NUP62CL: variants seen among roughly 807,000 people sequenced by gnomAD.
NUP62CL encodes nucleoporin 62 C-terminal like.
NUP62CL carries 13 observed loss-of-function variants against 15.3 expected under a neutral mutation model. The ratio of observed to expected loss-of-function variants is 0.85; its 90% confidence interval spans 0.55 to 1.35. The LOEUF (loss-of-function observed/expected upper bound fraction) is 1.35. Ranked by LOEUF, NUP62CL falls within the 40% of genes most tolerant of loss-of-function variation. The pLI is 0.00. For synonymous variants in NUP62CL, 54 were observed against 49.2 expected (o/e 1.10, Z -0.41); for missense variants, 123 against 130.6 (o/e 0.94, Z 0.28).
chrX:107,203,326 C>T (rs1011008759), intron 1 of NUP62CL, among the ~76,000 whole-genome samples: 2 of 108,015 alleles, frequency 1.9e-5, no homozygotes, highest in African/African-American at 6.8e-5. Flanking sequence ...TCACTGCAGC[C>T]CCAACCTCCC....
chrX:107,194,811 CTTTTTTTTTTTT>C (rs1174813324), intron 1 of NUP62CL, among the ~76,000 whole-genome samples: 6 of 46,303 alleles, frequency 1.3e-4, no homozygotes, highest in Admixed American at 3.5e-4. Context: ...TTCTTTCTCT[CTTTTTTTTTTTT>C]TTTTTTTTTT....
intron 8 of NUP62CL, among the ~76,000 whole-genome samples, chrX:107,133,154 T>A (rs1925559338): frequency 9.0e-6 from 1 of 111,060 alleles, no homozygotes; most frequent in Admixed American, 9.5e-5. Flanking sequence ...TGGCTCATGA[T>A]CCCCTTTTCT....
At chrX:107,198,498 G>A (rs1927408129) in intron 1 of NUP62CL, among the ~76,000 whole-genome samples, 1 of 111,891 alleles carries the variant, frequency 8.9e-6, no homozygotes, top group South Asian at 3.8e-4. Flanking sequence ...CAGCCTTTAT[G>A]AGCTGTAACA....
At chrX:107,139,113 G>GA (rs1156356041) in intron 8 of NUP62CL, among the ~76,000 whole-genome samples, 3 of 111,159 alleles carry the variant, frequency 2.7e-5, no homozygotes, top group African/African-American at 9.8e-5. Flanking sequence ...TTTAGAAATA[G>GA]AAAATAGATT....
intron 4 of NUP62CL, among the ~76,000 whole-genome samples, chrX:107,158,543 G>A (rs1410383257): frequency 1.3e-4 from 10 of 76,678 alleles, no homozygotes; most frequent in South Asian, 6.5e-4. Flanking sequence ...GGTACATAAC[G>A]AAATGAAGGC....
At chrX:107,128,402 C>T (rs1175894799) in intron 8 of NUP62CL, among the ~76,000 whole-genome samples, 1 of 111,916 alleles carries the variant, frequency 8.9e-6, no homozygotes, top group Non-Finnish European at 1.9e-5. Flanking sequence ...AATACAGTAT[C>T]CTGTGTAAAT....
At chrX:107,150,998 CAA>C (rs773099200) in intron 7 of NUP62CL, 8 of 337,658 alleles carry the variant, frequency 2.4e-5, no homozygotes, top group Non-Finnish European at 4.7e-5. Context: ...AAGGGATTAA[CAA>C]AAAGTGTTTT....
At chrX:107,171,879 T>TA (rs1458506073) in intron 3 of NUP62CL, among the ~76,000 whole-genome samples, 1 of 109,970 alleles carries the variant, frequency 9.1e-6, no homozygotes, top group Non-Finnish European at 1.9e-5. Flanking sequence ...TCAGGGTTTT[T>TA]TTTTGGTCAT....
chrX:107,189,890 A>AAAGAAAGAAAGAAAGG (rs1158251235), intron 2 of NUP62CL, among the ~76,000 whole-genome samples: 2 of 84,263 alleles, frequency 2.4e-5, no homozygotes, highest in African/African-American at 9.7e-5. Context: ...AGAAAGAAAG[A>AAAGAAAGAAAGAAAGG]AAGAAAGAAA....
At chrX:107,150,777 G>A (rs1925990536) in intron 7 of NUP62CL, 2 of 319,095 alleles carry the variant, frequency 6.3e-6, no homozygotes, top group South Asian at 2.9e-5. Flanking sequence ...GGGGTTATAG[G>A]CATGAGCCAC....
At chrX:107,156,185 C>T (rs774229708) in intron 4 of NUP62CL, among the ~76,000 whole-genome samples, 141 of 111,812 alleles carry the variant, frequency 1.3e-3, no homozygotes, top group South Asian at 3.1e-3. Flanking sequence ...AACTGCAAGG[C>T]GGCAGCCAGG....
intron 2 of NUP62CL, among the ~76,000 whole-genome samples, chrX:107,185,059 T>C (rs755553597): frequency 1.6e-4 from 18 of 110,394 alleles, no homozygotes; most frequent in African/African-American, 5.9e-4. Context: ...CTGTTGCCAA[T>C]AGACTACCGT....
chrX:107,200,104 T>A (rs1163711851), intron 1 of NUP62CL, among the ~76,000 whole-genome samples: 3 of 111,682 alleles, frequency 2.7e-5, no homozygotes, highest in Non-Finnish European at 5.6e-5. Context: ...AAACAAAATA[T>A]AGGGCTTCTG....
chrX:107,185,422 G>A (rs768497229), intron 2 of NUP62CL, among the ~76,000 whole-genome samples: 1 of 110,887 alleles, frequency 9.0e-6, no homozygotes, highest in Non-Finnish European at 1.9e-5. Flanking sequence ...AATATATGTA[G>A]AGGAAATAGT....
rs1927422449 is a variant in NUP62CL, at chrX:107,198,972, T to G, written c.-91-5900A>C. Among the ~76,000 whole-genome samples, 3 of 112,165 alleles carry G rather than the reference T, an allele frequency of 2.7e-5. No homozygotes were observed. The South Asian group carries it at 1.1e-3, about 42-fold the overall frequency. On this transcript the variant is annotated intron_variant, in intron 1 of 8. Transcript: ENST00000372466. ...TATTCATCTATCTCATGTATCAGCA[T>G]GCAAATTATCTGCTCTGTGTACTAC...
At position 107,125,547 on chromosome X, in the gene NUP62CL, C is replaced by G. The variant is rs191272147; in HGVS notation, c.*43-1215G>C. Among the ~76,000 whole-genome samples the G allele has an allele frequency of 2.8e-3, 307 of 111,568 alleles. 4 individuals are homozygous for G. Among genetic ancestry groups the G allele is most frequent in the Non-Finnish European group, 3.5e-3 (186 of 53,096 alleles). On this transcript the variant is annotated intron_variant, in intron 8 of 8. Transcript: ENST00000372466. ...ATCTTATAAAGACATTCTGCAAGAT[C>G]ATGCTTTAAGGACAGTGATTTCAAT...
At chrX:107,160,645 G>A (rs1926340401) in intron 4 of NUP62CL, among the ~76,000 whole-genome samples, 1 of 110,816 alleles carries the variant, frequency 9.0e-6, no homozygotes, top group African/African-American at 3.3e-5. Flanking sequence ...ATGGATTAAA[G>A]ATTTAAACGT....
chrX:107,130,983 C>G (rs1050527527), intron 8 of NUP62CL, among the ~76,000 whole-genome samples: 4 of 110,597 alleles, frequency 3.6e-5, no homozygotes, highest in Non-Finnish European at 7.6e-5. Context: ...TCCCCTCCAC[C>G]CATTTTGGAA....
At chrX:107,169,820 A>T (rs776759575) in intron 3 of NUP62CL, among the ~76,000 whole-genome samples, 184 of 85,117 alleles carry the variant, frequency 2.2e-3, no homozygotes, top group African/African-American at 5.1e-3. Flanking sequence ...TTTTTTTTTT[A>T]AAAAAATGAG....
Sources: gnomAD v4.1 joint callset for allele counts (sites outside exome capture counted in the v4.1 genomes callset) on GRCh38, gnomAD v4.1.1 for gene constraint, MANE v1.5 for transcripts, NCBI Gene and HGNC (gene_info 2026-07-23, HGNC 2026-07-21) for gene names.